The following FAM13B variants were observed in gnomAD, a reference collection of about 807,000 sequenced individuals.
FAM13B encodes family with sequence similarity 13 member B.
A neutral mutation model predicts 117.3 loss-of-function variants in FAM13B; 60 were observed. That is an observed-to-expected ratio of 0.51 (90% CI 0.42 to 0.63). FAM13B has a LOEUF of 0.63. Ranked by LOEUF, FAM13B falls within the 30% of genes least tolerant of loss-of-function variation. The probability of loss-of-function intolerance (pLI) is 0.00; values close to 1 mark genes in which losing one functional copy is unlikely to be tolerated. For synonymous variants in FAM13B, 332 were observed against 356.1 expected, an observed-to-expected ratio of 0.93 and a Z score of 0.76; for missense variants, 972 against 1,091.9, an observed-to-expected ratio of 0.89 and a Z score of 1.55.
chr5:138,033,904 G>T (rs554793984), upstream of FAM13B: 1 of 152,280 alleles, frequency 6.6e-6, no homozygotes, highest in African/African-American at 2.4e-5. Flanking sequence ...CAATTCAGTT[G>T]TCCCTTACCT....
At chr5:137,972,882 C>T (rs773192073) in intron 10 of FAM13B, among the ~76,000 whole-genome samples, 3,786 of 151,686 alleles carry the variant, frequency 0.025, 76 homozygotes, top group Middle Eastern at 0.054. Context: ...AATAAAATAC[C>T]TAGGAATCCA....
chr5:137,942,913 A>G lies in FAM13B; in HGVS notation c.2550T>C (p.Ala850=). 1 of 1,613,526 alleles carries G rather than the reference A, an allele frequency of 6.2e-7. No individual in the cohort carries two copies. Among genetic ancestry groups the G allele is most frequent in the Admixed American group, 1.7e-5 (1 of 59,838 alleles). ...SDVEENQEKL[A]LDLRLSSSRA... The stretch of plus-strand genomic sequence containing the variant: ...GAGAACTTGACAATCGGAGATCCAG[A>G]GCCAGTTTTTCTTGATTTTCTTCAA... The change falls in exon 22 of 24, where the codon GCT becomes GCC. Residue 850 remains alanine, a synonymous_variant. Coordinates refer to ENST00000689681, the MANE Select transcript of FAM13B (RefSeq NM_001385994.1).
rs1581271475 is a variant in FAM13B at position 138,021,036 on chromosome 5, A to G, written c.-41T>C. 2.4e-6 allele frequency: 3 copies of G among 1,231,190 alleles called. No individual in the cohort carries two copies. Among genetic ancestry groups the G allele is most frequent in the East Asian group, 6.3e-5 (2 of 31,688 alleles). 76.3% of individuals were successfully genotyped at this position (1,231,190 alleles called of 1,614,324 possible). On this transcript the variant is annotated 5_prime_UTR_variant, in exon 2 of 24. Coordinates refer to ENST00000689681, the MANE Select transcript of FAM13B (RefSeq NM_001385994.1). ...TTACCATTTTGAAAACTTACCTTTC[A>G]GTACTTAAATACCTAAGTTTAAAAA...
chr5:138,024,810 CACAGAG>C lies in FAM13B; in HGVS notation c.-202-3619_-202-3614del, dbSNP rs1391163561. Reference sequence around the variant, plus strand: ...CAAAATTTATACACACACACACACACACAGAGAGAGAGAGAGAGAGAGAGAAAGAGA... The same window carrying C: ...CAAAATTTATACACACACACACACACAGAGAGAGAGAGAGAGAGAAAGAGA... On this transcript the variant is annotated intron_variant, in intron 1 of 23. Transcript: ENST00000689681. Among the ~76,000 whole-genome samples, 44 of 19,268 alleles carry C rather than the reference CACAGAG, an allele frequency of 2.3e-3. No individual in the cohort carries two copies. In the East Asian group the frequency reaches 0.033, roughly 14 times the overall value. The allele number at this position is 19,268 out of a possible 152,430, so 12.6% of individuals were successfully genotyped here.
At chr5:138,009,802 C>CAAAA (rs756061969) in intron 6 of FAM13B, among the ~76,000 whole-genome samples, 16 of 80,452 alleles carry the variant, frequency 2.0e-4, no homozygotes, top group African/African-American at 7.6e-4. Flanking sequence ...GAGACTGTCT[C>CAAAA]AAAAAAAAAA....
At chr5:138,005,714 C>A (rs1782369299) in intron 7 of FAM13B, among the ~76,000 whole-genome samples, 2 of 152,064 alleles carry the variant, frequency 1.3e-5, no homozygotes, top group South Asian at 4.1e-4. Flanking sequence ...GAATTATGAT[C>A]CTGTTTGAAG....
upstream of FAM13B, among the ~76,000 whole-genome samples, chr5:138,035,012 T>TTTTTTTTTTTTTC (rs1790992420): frequency 8.3e-6 from 1 of 120,534 alleles, no homozygotes; most frequent in African/African-American, 3.1e-5. Context: ...TTTTTTTTTT[T>TTTTTTTTTTTTTC]TTTTTTTTTT....
chr5:138,042,542 T>C (rs1173906174), intron 1 of FAM13B, among the ~76,000 whole-genome samples: 1 of 152,120 alleles, frequency 6.6e-6, no homozygotes, highest in Non-Finnish European at 1.5e-5. Flanking sequence ...GTTTTTAAGT[T>C]TTTTCTTTAA....
At chr5:137,994,901 TA>T (rs1440746140) in intron 7 of FAM13B, among the ~76,000 whole-genome samples, 8 of 152,324 alleles carry the variant, frequency 5.3e-5, no homozygotes, top group African/African-American at 1.4e-4. Context: ...CCAAATAAAA[TA>T]AGAAACTACT....
At chr5:138,035,259 C>T (rs1791046644), upstream of FAM13B, among the ~76,000 whole-genome samples, 1 of 151,914 alleles carries the variant, frequency 6.6e-6, no homozygotes, top group Non-Finnish European at 1.5e-5. Context: ...GATCCTCCCA[C>T]CTCAGCCTCC....
At chr5:137,968,943 T>C (rs1339880625) in intron 10 of FAM13B, among the ~76,000 whole-genome samples, 2 of 152,220 alleles carry the variant, frequency 1.3e-5, no homozygotes, top group Non-Finnish European at 2.9e-5. Flanking sequence ...ATCCCGCACC[T>C]GGCTTGGAGG....
At chr5:138,016,583 A>G (rs1023932094) in intron 4 of FAM13B, among the ~76,000 whole-genome samples, 1 of 152,156 alleles carries the variant, frequency 6.6e-6, no homozygotes, top group African/African-American at 2.4e-5. Flanking sequence ...GTAGTGAACT[A>G]GGATCACACC....
At chr5:138,023,570 G>A (rs1210636163) in intron 1 of FAM13B, among the ~76,000 whole-genome samples, 2 of 151,986 alleles carry the variant, frequency 1.3e-5, no homozygotes, top group Admixed American at 1.3e-4. Context: ...ACATTCTGGC[G>A]CTCAAACTGG....
Position 138,007,101 on chromosome 5 carries a change from T to A in FAM13B, c.737A>T (p.His246Leu). Residue 246 changes from histidine (H) to leucine (L), a missense_variant, in exon 7 of 24, where the codon CAT becomes CTT. Physicochemically the swap from His to Leu is moderately conservative, Grantham distance 99. Coordinates refer to ENST00000689681, the MANE Select transcript of FAM13B (RefSeq NM_001385994.1). ...EEEEEDEKLE[H>L]IEELPEEGAE... ...ACCCTCTTCTGGAAGTTCTTCAATA[T>A]GTTCCAGCTTTTCATCTTCCTCTTC... is the stretch of plus-strand genomic sequence containing the variant. 1 of 1,612,998 alleles carries A rather than the reference T, an allele frequency of 6.2e-7. No homozygotes were observed. Among genetic ancestry groups the A allele is most frequent in the Non-Finnish European group, 8.5e-7 (1 of 1,179,698 alleles).
intron 1 of FAM13B, among the ~76,000 whole-genome samples, chr5:138,029,015 C>T (rs1025417503): frequency 2.5e-4 from 37 of 149,832 alleles, no homozygotes; most frequent in Admixed American, 1.8e-3. Flanking sequence ...AACGAGACTT[C>T]GTCTCAAAAA....
chr5:138,040,179 AT>A (rs1469826476), intron 1 of FAM13B, among the ~76,000 whole-genome samples: 3 of 143,440 alleles, frequency 2.1e-5, no homozygotes, highest in African/African-American at 7.8e-5. Flanking sequence ...CAGGAGAATC[AT>A]TTGAACCCAG....
rs1011350213 is a variant in FAM13B, at chr5:138,033,074, G to A, written c.-495C>T. On this transcript the variant is annotated 5_prime_UTR_variant, in exon 1 of 24. Coordinates refer to ENST00000689681, the MANE Select transcript of FAM13B (RefSeq NM_001385994.1). ...CTCCCTAACGGCGAGCGGGAGGAGA[G>A]CGGCTGGCGGGCGGAGGCCGGGCCG... The A allele has an allele frequency of 1.1e-4, 110 of 986,232 alleles. No homozygotes were observed. Among genetic ancestry groups the A allele is most frequent in the Middle Eastern group, 1.0e-3 (2 of 1,940 alleles). 61.1% of individuals were successfully genotyped at this position (986,232 alleles called of 1,614,324 possible). A position where few individuals can be genotyped will look rare whatever the true frequency, so the allele number is the denominator to read the frequency against.
intron 10 of FAM13B, among the ~76,000 whole-genome samples, chr5:137,974,635 A>G (rs1773370549): frequency 6.6e-6 from 1 of 151,556 alleles, no homozygotes. Context: ...AAAGAAAAAA[A>G]AAGAAGTGCA....
rs143792994 is a variant in FAM13B at position 137,985,363 on chromosome 5, T to C, written c.1073A>G (p.Asn358Ser). 25 of 1,613,790 alleles carry C rather than the reference T, an allele frequency of 1.5e-5. No homozygotes were observed. Among genetic ancestry groups the C allele is most frequent in the Admixed American group, 3.3e-5 (2 of 59,986 alleles). Residue 358 changes from asparagine (N) to serine (S), a missense_variant, in exon 10 of 24, where the codon AAT becomes AGT. Asn to Ser is a conservative substitution (Grantham distance 46). Coordinates refer to ENST00000689681, the MANE Select transcript of FAM13B (RefSeq NM_001385994.1). The stretch of plus-strand genomic sequence containing the variant: ...ACAGTCTCTGTTACTTTCACTGGCA[T>C]TAATAATATCATCAGCAATATCAAT... ...NQIDIADDII[N>S]ASESNRDCSK...
Sources: allele counts gnomAD v4.1 joint callset (sites outside exome capture counted in the v4.1 genomes callset), GRCh38; gene constraint gnomAD v4.1.1; transcripts MANE v1.5; gene names NCBI Gene and HGNC (gene_info 2026-07-23, HGNC 2026-07-21).